Variants in HACL2 observed in about 807,000 individuals in gnomAD.
The protein encoded by HACL2 is 2-hydroxyacyl-CoA lyase 1 like.
the HACL2 span, chr19:15,116,723 GAAGAC>G: frequency 3.6e-5 from 21 of 579,022 alleles, no homozygotes; most frequent in South Asian, 4.6e-4. Flanking sequence ...GGTGAAAAGG[GAAGAC>G]AAGGCCCAAG....
chr19:15,119,330 G>T, the HACL2 span: 1 of 1,603,612 alleles, frequency 6.2e-7, no homozygotes, highest in Non-Finnish European at 8.5e-7. Flanking sequence ...GCAGAGGTCA[G>T]TGTGGCCGGG....
chr19:15,115,080 G>A, the HACL2 span: 1 of 733,346 alleles, frequency 1.4e-6, no homozygotes, highest in South Asian at 1.6e-5. Context: ...GAGGGTCCAA[G>A]AGCTCACAAG....
the HACL2 span, chr19:15,120,104 A>T: frequency 6.9e-7 from 1 of 1,445,694 alleles, no homozygotes; most frequent in South Asian, 1.2e-5. Context: ...GGGGGAAGAA[A>T]CCAAGTTGCC....
the HACL2 span, among the ~76,000 whole-genome samples, chr19:15,120,939 A>C: frequency 2.0e-5 from 3 of 152,172 alleles, no homozygotes; most frequent in African/African-American, 7.2e-5. Context: ...CTCAAAACAA[A>C]ACAAAACAAA....
the HACL2 span, among the ~76,000 whole-genome samples, chr19:15,118,208 C>T: frequency 1.4e-4 from 22 of 152,144 alleles, no homozygotes; most frequent in Non-Finnish European, 2.8e-4. Flanking sequence ...CTTTGGCCAA[C>T]AGGATAGGGC....
the HACL2 span, chr19:15,123,098 C>A: frequency 6.2e-7 from 1 of 1,612,824 alleles, no homozygotes. The surrounding 1 kb of genome is among the most constrained non-coding windows in gnomAD (Gnocchi z 5.1). Flanking sequence ...CCCCCACTGG[C>A]CCCCAAGGAC....
the HACL2 span, chr19:15,117,986 C>T: frequency 6.2e-7 from 1 of 1,614,170 alleles, no homozygotes; most frequent in Non-Finnish European, 8.5e-7. Context: ...AGGACACGGC[C>T]ATAGGATAGG....
At chr19:15,120,127 CT>C in the HACL2 span, 9 of 1,227,682 alleles carry the variant, frequency 7.3e-6, no homozygotes, top group Non-Finnish European at 1.0e-5. Flanking sequence ...AATTAACTAA[CT>C]ACAAGGATTC....
the HACL2 span, chr19:15,123,436 C>T: frequency 6.2e-7 from 1 of 1,614,206 alleles, no homozygotes; most frequent in African/African-American, 1.3e-5. This position sits in a 1 kb window ranked among gnomAD's most constrained non-coding sequence, Gnocchi z 5.1. Flanking sequence ...GTGTGTCCAC[C>T]ACACGGATGC....
the HACL2 span, chr19:15,122,722 G>A: frequency 6.2e-7 from 1 of 1,614,066 alleles, no homozygotes; most frequent in Non-Finnish European, 8.5e-7. This position sits in a 1 kb window ranked among gnomAD's most constrained non-coding sequence, Gnocchi z 4.0. Flanking sequence ...CGAGGCCCTT[G>A]GGTGGCTTGG....
chr19:15,120,868 G>A, the HACL2 span, among the ~76,000 whole-genome samples: 1 of 152,138 alleles, frequency 6.6e-6, no homozygotes, highest in South Asian at 2.1e-4. Flanking sequence ...GGAGTTCAAG[G>A]CTGTGGTGAG....
the HACL2 span, chr19:15,119,919 C>G: frequency 8.8e-7 from 1 of 1,141,928 alleles, no homozygotes. Flanking sequence ...GGGAGAGGGT[C>G]AGGGGGCCCT....
At chr19:15,115,781 C>T in the HACL2 span, 1 of 1,587,178 alleles carries the variant, frequency 6.3e-7, no homozygotes, top group Non-Finnish European at 8.6e-7. Flanking sequence ...CCCTCCCCAC[C>T]TCAGCCCACC....
chr19:15,119,932 C>T, the HACL2 span: 2 of 1,287,310 alleles, frequency 1.6e-6, no homozygotes, highest in East Asian at 5.2e-5. Flanking sequence ...GGGGCCCTCT[C>T]CCCTCAGGGA....
chr19:15,116,088 C>A, the HACL2 span: 1 of 1,613,618 alleles, frequency 6.2e-7, no homozygotes, highest in East Asian at 2.2e-5. Flanking sequence ...GGACCAAGAG[C>A]AGGTGGGTGT....
chr19:15,121,308 C>T, the HACL2 span, among the ~76,000 whole-genome samples: 2 of 152,054 alleles, frequency 1.3e-5, no homozygotes, highest in Non-Finnish European at 2.9e-5. Context: ...CTGAGCTGAC[C>T]CTCAGGCGCT....
the HACL2 span, chr19:15,118,044 C>CAGA: frequency 5.6e-6 from 9 of 1,613,184 alleles, no homozygotes; most frequent in African/African-American, 1.2e-4. Flanking sequence ...ATGCAGTAGG[C>CAGA]AGAGGCCCCA....
At chr19:15,122,839 T>C in the HACL2 span, 41 of 1,613,708 alleles carry the variant, frequency 2.5e-5, no homozygotes, top group Non-Finnish European at 3.3e-5. The surrounding 1 kb of genome is among the most constrained non-coding windows in gnomAD (Gnocchi z 4.0). Flanking sequence ...GTCCATAACA[T>C]GTCCCCAGCC....
chr19:15,115,165 G>T, the HACL2 span: 1 of 1,507,578 alleles, frequency 6.6e-7, no homozygotes, highest in Non-Finnish European at 9.2e-7. Flanking sequence ...CATGGGATAG[G>T]CCCAGGGCAA....
Sources: gnomAD v4.1 joint callset for allele counts (sites outside exome capture counted in the v4.1 genomes callset) on GRCh38, gnomAD v4.1.1 for gene constraint, Gnocchi (gnomAD v3.1) non-coding constraint, MANE v1.5 for transcripts, NCBI Gene and HGNC (gene_info 2026-07-23, HGNC 2026-07-21) for gene names.